NRXN3: variants seen among roughly 807,000 people sequenced by gnomAD.
NRXN3 encodes neurexin III.
In NRXN3, 32 loss-of-function variants were observed where a neutral mutation model predicts 137.6. The observed-to-expected ratio is 0.23, with a 90% CI of 0.18 to 0.31. The LOEUF is 0.31. Ranked by LOEUF, NRXN3 falls within the 10% of genes least tolerant of loss-of-function variation. The pLI is 1.00. For missense variants in NRXN3, 1,574 were observed against 2,062.5 expected (o/e 0.76, Z 4.59); for synonymous variants, 798 against 784.5 (o/e 1.02, Z -0.29).
At chr14:79,038,969 A>G (rs185101267) in intron 15 of NRXN3, among the ~76,000 whole-genome samples, 1 of 151,996 alleles carries the variant, frequency 6.6e-6, no homozygotes, top group Non-Finnish European at 1.5e-5. Context: ...AGGATGGTAA[A>G]TTGGGTTTAG....
chr14:78,840,634 C>T (rs1567476981), intron 10 of NRXN3, among the ~76,000 whole-genome samples: 1 of 152,088 alleles, frequency 6.6e-6, no homozygotes, highest in Non-Finnish European at 1.5e-5. Flanking sequence ...GGAGCCTTTA[C>T]TATCCAGAAT....
At chr14:78,403,791 G>T in intron 4 of NRXN3, 2 of 985,426 alleles carry the variant, frequency 2.0e-6, no homozygotes, top group Non-Finnish European at 2.4e-6. Flanking sequence ...CCCTCTCTTC[G>T]TTGTTTCTGC....
At chr14:78,507,525 G>A (rs2096016392) in intron 4 of NRXN3, among the ~76,000 whole-genome samples, 1 of 152,184 alleles carries the variant, frequency 6.6e-6, no homozygotes, top group Admixed American at 6.5e-5. Context: ...TGATTAGCAT[G>A]AGCGACGAGT....
intron 4 of NRXN3, among the ~76,000 whole-genome samples, chr14:78,364,593 A>C (rs1290103210): frequency 1.3e-5 from 2 of 152,246 alleles, no homozygotes. Context: ...TACATGTGTC[A>C]TACGTATCCT....
intron 20 of NRXN3, among the ~76,000 whole-genome samples, chr14:79,822,354 TAC>T (rs1055333882): frequency 2.0e-4 from 31 of 152,290 alleles, no homozygotes; most frequent in Admixed American, 6.5e-4. Context: ...AAGTCAAACT[TAC>T]AGAACTGCCC....
chr14:78,278,568 C>T (rs1253551156), intron 2 of NRXN3, 77 bp from the exon 3 acceptor site: 5 of 1,078,860 alleles, frequency 4.6e-6, no homozygotes, highest in Admixed American at 2.0e-5. Context: ...TGTGTGTGTG[C>T]TGCTAACACT....
chr14:79,307,788 C>G (rs763708111), intron 15 of NRXN3, among the ~76,000 whole-genome samples: 6 of 152,012 alleles, frequency 3.9e-5, no homozygotes, highest in Admixed American at 2.0e-4. Context: ...CTCTTTCTCT[C>G]TTTCTTTATT....
Position 78,245,634 on chromosome 14 carries a change from A to T in NRXN3, c.709+1832A>T, listed in dbSNP as rs1285455981. Among the ~76,000 whole-genome samples the T allele has an allele frequency of 2.6e-5, 4 of 152,294 alleles. No individual in the cohort carries two copies. In the East Asian group the frequency reaches 5.8e-4, roughly 22 times the overall value. ...TATCAGTGGCTATTTAAGAATATTT[A>T]AAAAAATTAAAACAAAATTTATTTC... On this transcript the variant is annotated intron_variant, in intron 2 of 20. Transcript: ENST00000335750.
chr14:78,258,381 A>G (rs1038713689), intron 2 of NRXN3, among the ~76,000 whole-genome samples: 1 of 150,416 alleles, frequency 6.6e-6, no homozygotes, highest in Non-Finnish European at 1.5e-5. Context: ...TGCAGATCCT[A>G]TAGGACCCTT....
At chr14:79,713,031 G>A (rs891499029) in intron 19 of NRXN3, among the ~76,000 whole-genome samples, 1 of 152,038 alleles carries the variant, frequency 6.6e-6, no homozygotes, top group South Asian at 2.1e-4. Context: ...AATTTGCCTG[G>A]GAAGGACTTG....
At chr14:79,215,214 C>A (rs889143743) in intron 15 of NRXN3, among the ~76,000 whole-genome samples, 1 of 152,128 alleles carries the variant, frequency 6.6e-6, no homozygotes, top group Admixed American at 6.5e-5. Flanking sequence ...ATATAACTTT[C>A]CTGGAGCTGT....
intron 4 of NRXN3, among the ~76,000 whole-genome samples, chr14:78,409,198 C>G (rs1444109589): frequency 2.6e-5 from 4 of 152,192 alleles, no homozygotes; most frequent in African/African-American, 9.7e-5. Context: ...AATTCTAAGA[C>G]TAACAAGAAC....
chr14:78,754,726 C>T (rs2098659674), intron 8 of NRXN3, among the ~76,000 whole-genome samples: 1 of 152,178 alleles, frequency 6.6e-6, no homozygotes, highest in African/African-American at 2.4e-5. Flanking sequence ...TCTAGACCTA[C>T]TGAACCAGAA....
At chr14:79,098,076 A>C (rs1011506958) in intron 15 of NRXN3, among the ~76,000 whole-genome samples, 1 of 152,204 alleles carries the variant, frequency 6.6e-6, no homozygotes, top group Non-Finnish European at 1.5e-5. Flanking sequence ...AAAGTGGAAT[A>C]ACAAGCCCTT....
intron 4 of NRXN3, among the ~76,000 whole-genome samples, chr14:78,372,268 A>G (rs1161007948): frequency 6.6e-6 from 1 of 150,652 alleles, no homozygotes; most frequent in East Asian, 1.9e-4. Flanking sequence ...ATGGTCACCA[A>G]CTTCTCTCTT....
rs956801370 is a variant in NRXN3, at chr14:79,867,827, G to A, written c.*5863G>A. ...CAGAGCAGGTAGGATCACGTGAGTA[G>A]GGCCCAGGATAGAAGAGCAGTGTTA... On this transcript the variant is annotated 3_prime_UTR_variant, in exon 21 of 21. Transcript: ENST00000335750. The A allele has an allele frequency of 6.6e-6, 1 of 152,236 alleles. No homozygotes were observed. The highest frequency in any genetic ancestry group is 1.5e-5 in the Non-Finnish European group (1 of 68,090). 9.4% of individuals were successfully genotyped at this position (152,236 alleles called of 1,614,324 possible).
chr14:78,312,677 T>A (rs1022021627), intron 4 of NRXN3, among the ~76,000 whole-genome samples: 1 of 152,074 alleles, frequency 6.6e-6, no homozygotes, highest in Admixed American at 6.6e-5. Context: ...GGTTCTACCA[T>A]GTGTCTGATG....
chr14:78,207,894 A>G (rs1342238001), intron 1 of NRXN3, among the ~76,000 whole-genome samples: 1 of 152,164 alleles, frequency 6.6e-6, no homozygotes, highest in Non-Finnish European at 1.5e-5. Context: ...ATGGTGGTAG[A>G]AATCTTAAGG....
At position 79,182,836 on chromosome 14, in the gene NRXN3, C is replaced by T. The variant is rs567838610; in HGVS notation, c.3262+194695C>T. On this transcript the variant is annotated intron_variant, in intron 15 of 20. Coordinates refer to ENST00000335750, the MANE Select transcript of NRXN3 (RefSeq NM_001330195.2). ...TTATAATGAAAAATACTAGATTCTA[C>T]AAGAAATTATAAAATCTACTATAAA... 2.6e-5 allele frequency among the ~76,000 whole-genome samples: 4 copies of T among 152,078 alleles called. No individual in the cohort carries two copies. The South Asian group carries it at 6.2e-4, about 24-fold the overall frequency.
Sources: gnomAD v4.1 joint callset for allele counts (sites outside exome capture counted in the v4.1 genomes callset) on GRCh38, gnomAD v4.1.1 for gene constraint, MANE v1.5 for transcripts, NCBI Gene and HGNC (gene_info 2026-07-23, HGNC 2026-07-21) for gene names.